The following PDE11A variants were observed in gnomAD, a reference collection of about 807,000 sequenced individuals.
PDE11A encodes the protein dual 3',5'-cyclic-AMP and -GMP phosphodiesterase 11A.
PDE11A carries 100 observed loss-of-function variants against 100.5 expected under a neutral mutation model. The ratio of observed to expected loss-of-function variants is 1.00; its 90% CI spans 0.85 to 1.18. The LOEUF is 1.18. Ranked by LOEUF, PDE11A falls within the 50% of genes most tolerant of loss-of-function variation. PDE11A has a pLI of 0.00. For synonymous variants in PDE11A, 381 were observed against 420.8 expected, an observed-to-expected ratio of 0.91 and a Z score of 1.16; for missense variants, 1,141 against 1,152.6, an observed-to-expected ratio of 0.99 and a Z score of 0.15.
intron 7 of PDE11A, among the ~76,000 whole-genome samples, chr2:177,818,897 T>C (rs1366556389): frequency 2.0e-5 from 3 of 152,028 alleles, no homozygotes; most frequent in Non-Finnish European, 4.4e-5. Context: ...AGTATGCTTG[T>C]ATTTTTAAAA....
At chr2:177,639,121 C>T (rs917225917) in intron 19 of PDE11A, among the ~76,000 whole-genome samples, 5 of 152,198 alleles carry the variant, frequency 3.3e-5, no homozygotes, top group Non-Finnish European at 5.9e-5. Flanking sequence ...GTGCCGTGGC[C>T]TAGAAATTCT....
chr2:177,869,341 AG>A (rs1328507327), intron 5 of PDE11A, among the ~76,000 whole-genome samples: 2 of 152,204 alleles, frequency 1.3e-5, no homozygotes, highest in African/African-American at 4.8e-5. Flanking sequence ...GGAAGAATGG[AG>A]CTCATTCAGG....
intron 10 of PDE11A, among the ~76,000 whole-genome samples, chr2:177,732,309 T>C (rs1462550818): frequency 6.6e-6 from 1 of 152,226 alleles, no homozygotes; most frequent in East Asian, 1.9e-4. Context: ...AAATAGAGAA[T>C]ACCAAGGTCT....
intron 2 of PDE11A, among the ~76,000 whole-genome samples, chr2:177,945,740 C>T (rs1171392358): frequency 6.6e-6 from 1 of 150,892 alleles, no homozygotes; most frequent in East Asian, 2.0e-4. Context: ...GGGGGGTCAG[C>T]CCCCCGCCCG....
chr2:177,639,978 CTATT>C (rs753699401), intron 19 of PDE11A, among the ~76,000 whole-genome samples: 8 of 151,986 alleles, frequency 5.3e-5, no homozygotes, highest in Non-Finnish European at 7.4e-5. Context: ...AATTGTCTGA[CTATT>C]CATTTATTAA....
At chr2:177,784,449 A>G (rs1405640876) in intron 9 of PDE11A, among the ~76,000 whole-genome samples, 1 of 152,096 alleles carries the variant, frequency 6.6e-6, no homozygotes, top group African/African-American at 2.4e-5. Flanking sequence ...CAATTCTGGG[A>G]ACTCTCAGCT....
chr2:178,047,462 CAAA>C (rs1252755818), intron 1 of PDE11A, among the ~76,000 whole-genome samples: 3 of 104,948 alleles, frequency 2.9e-5, no homozygotes. Context: ...GAGTCTGTCT[CAAA>C]AAAAAAAAAA....
intron 10 of PDE11A, among the ~76,000 whole-genome samples, chr2:177,753,771 A>G (rs1349669095): frequency 6.6e-6 from 1 of 151,176 alleles, no homozygotes; most frequent in Non-Finnish European, 1.5e-5. Context: ...TCAGGCAGAT[A>G]AGATTGGGGG....
At chr2:177,726,721 A>G (rs1203796696) in intron 12 of PDE11A, among the ~76,000 whole-genome samples, 2 of 151,758 alleles carry the variant, frequency 1.3e-5, no homozygotes, top group East Asian at 3.9e-4. Context: ...CCAAAGGAAA[A>G]TGCATTTCAT....
chr2:177,959,677 G>A (rs2085608577), intron 2 of PDE11A, among the ~76,000 whole-genome samples: 2 of 152,114 alleles, frequency 1.3e-5, no homozygotes, highest in Admixed American at 1.3e-4. Context: ...TCCTTTATTG[G>A]AATAGGAAAG....
In PDE11A at chr2:177,681,053, A is replaced by G. The variant is rs2080854966; in HGVS notation, c.2346-150T>C. On this transcript the variant is annotated intron_variant, in intron 15 of 19. Coordinates refer to ENST00000286063, the MANE Select transcript of PDE11A (RefSeq NM_016953.4). The stretch of plus-strand genomic sequence containing the variant: ...TTTGAAATCATGAGGCTAAAGCACT[A>G]TCAAAATAAATCACTTTCTAAAAAA... 9.7e-6 allele frequency: 6 copies of G among 617,708 alleles called. No individual in the cohort carries two copies. The South Asian group carries it at 1.2e-4, about 12-fold the overall frequency. 38.3% of individuals were successfully genotyped at this position (617,708 alleles called of 1,614,324 possible).
intron 2 of PDE11A, among the ~76,000 whole-genome samples, chr2:177,917,682 G>C (rs1234415787): frequency 6.6e-6 from 1 of 152,094 alleles, no homozygotes; most frequent in African/African-American, 2.4e-5. Flanking sequence ...GCATTTTACA[G>C]ACACTGTGGA....
At chr2:177,733,850 C>T (rs879365451) in intron 10 of PDE11A, among the ~76,000 whole-genome samples, 37 of 152,178 alleles carry the variant, frequency 2.4e-4, no homozygotes, top group African/African-American at 5.3e-4. Flanking sequence ...TTGATGTTCA[C>T]GAGAACCCTA....
chr2:178,031,704 G>A (rs1426255275), intron 1 of PDE11A, among the ~76,000 whole-genome samples: 3 of 152,120 alleles, frequency 2.0e-5, no homozygotes, highest in African/African-American at 7.2e-5. Flanking sequence ...TGGGTAGGAA[G>A]ACTGACTCTC....
At chr2:177,682,466 A>G (rs1025878368) in intron 15 of PDE11A, among the ~76,000 whole-genome samples, 1 of 152,250 alleles carries the variant, frequency 6.6e-6, no homozygotes, top group African/African-American at 2.4e-5. Flanking sequence ...TTGGTTTACA[A>G]CTCACACATA....
At chr2:178,039,746 T>C (rs34928961) in intron 1 of PDE11A, among the ~76,000 whole-genome samples, 15,207 of 152,040 alleles carry the variant, frequency 0.1, 1,047 homozygotes, top group Non-Finnish European at 0.15. Flanking sequence ...AATTGTGATA[T>C]ATTTATACAA....
At chr2:177,756,543 A>G (rs781240362) in intron 10 of PDE11A, among the ~76,000 whole-genome samples, 3 of 152,174 alleles carry the variant, frequency 2.0e-5, no homozygotes, top group Non-Finnish European at 4.4e-5. Context: ...ACTTAAGCCC[A>G]AGTGTTGAGG....
intron 6 of PDE11A, among the ~76,000 whole-genome samples, chr2:177,827,246 T>G (rs1276413994): frequency 6.6e-6 from 1 of 152,234 alleles, no homozygotes; most frequent in African/African-American, 2.4e-5. Context: ...AAGAATTGCA[T>G]GGGACTGAAG....
intron 2 of PDE11A, among the ~76,000 whole-genome samples, chr2:178,087,346 T>A (rs1574391807): frequency 7.4e-6 from 1 of 135,350 alleles, no homozygotes. Flanking sequence ...AGAGCAAGAC[T>A]CCAACTCAAA....
Sources: gnomAD v4.1 joint callset for allele counts (sites outside exome capture counted in the v4.1 genomes callset) on GRCh38, gnomAD v4.1.1 for gene constraint, MANE v1.5 for transcripts, NCBI Gene and HGNC (gene_info 2026-07-23, HGNC 2026-07-21) for gene names.